Variants in NMRK2 observed in about 807,000 individuals in gnomAD.
NMRK2 encodes NRK 2.
A neutral mutation model predicts 24.7 loss-of-function variants in NMRK2; 34 were observed. The observed-to-expected ratio is 1.37, with a 90% CI of 1.05 to 1.83. NMRK2 has a LOEUF of 1.83. NMRK2 is among the 40% of genes most tolerant of loss of function. NMRK2 has a pLI of 0.00. For synonymous variants in NMRK2, 145 were observed against 125.6 expected (o/e 1.15, Z -1.03); for missense variants, 341 against 315.0 (o/e 1.08, Z -0.62).
chr19:3,939,547 G>A (rs907489087), intron 5 of NMRK2, among the ~76,000 whole-genome samples: 1 of 151,980 alleles, frequency 6.6e-6, no homozygotes, highest in African/African-American at 2.4e-5. Context: ...CTCAAGTCTG[G>A]GACAAACAGC....
chr19:3,941,567 C>T (rs1040901192), intron 7 of NMRK2, among the ~76,000 whole-genome samples: 29 of 151,978 alleles, frequency 1.9e-4, no homozygotes, highest in African/African-American at 7.0e-4. Flanking sequence ...TTCTAAACGC[C>T]CTTCAGTACT....
Position 3,942,328 on chromosome 19 carries a change from T to G in NMRK2, c.*55T>G. The G allele has an allele frequency of 1.3e-6, 2 of 1,495,160 alleles. No homozygotes were observed. The highest frequency in any genetic ancestry group is 1.8e-6 in the Non-Finnish European group (2 of 1,106,004). 92.6% of individuals were successfully genotyped at this position (1,495,160 alleles called of 1,614,324 possible). Reference sequence around the variant, plus strand: ...GGAGAGTGGAGGCCCCACTCCCAGTTGGGCGTCCCGGAGCTCAGGGACTGA... The same window carrying G: ...GGAGAGTGGAGGCCCCACTCCCAGTGGGGCGTCCCGGAGCTCAGGGACTGA... On this transcript the variant is annotated 3_prime_UTR_variant, in exon 8 of 8. Coordinates refer to ENST00000168977, the MANE Select transcript of NMRK2 (RefSeq NM_170678.3).
At chr19:3,934,606 A>T (rs1369203622) in intron 2 of NMRK2, among the ~76,000 whole-genome samples, 2 of 149,700 alleles carry the variant, frequency 1.3e-5, no homozygotes, top group Non-Finnish European at 3.0e-5. Context: ...TTTGAGACAG[A>T]GTCTTGCTCT....
At chr19:3,942,012 C>A in intron 7 of NMRK2, 71 bp from the exon 8 acceptor site, 1 of 1,285,274 alleles carries the variant, frequency 7.8e-7, no homozygotes, top group South Asian at 1.3e-5. Flanking sequence ...CCTGACCCAG[C>A]CGTCCACTCG....
Position 3,933,522 on chromosome 19 carries a change from C to T in NMRK2, c.-150C>T. On this transcript the variant is annotated 5_prime_UTR_variant, in exon 2 of 8. Coordinates refer to ENST00000168977, the MANE Select transcript of NMRK2 (RefSeq NM_170678.3). ...GCGCCTCCGCCCCATCCCCAGGGGC[C>T]GCCTCCCCCGGGGCGGCCTCCAGGC... 1.2e-6 allele frequency: 1 copy of T among 811,258 alleles called. No individual in the cohort carries two copies. The highest frequency in any genetic ancestry group is 1.8e-6 in the Non-Finnish European group (1 of 550,412). The allele number at this position is 811,258 out of a possible 1,614,324, so 50.3% of individuals were successfully genotyped here.
chr19:3,940,691 G>C (rs2039315682), intron 6 of NMRK2, among the ~76,000 whole-genome samples: 1 of 150,384 alleles, frequency 6.6e-6, no homozygotes, highest in Non-Finnish European at 1.5e-5. Flanking sequence ...GCCAAGATCA[G>C]GCTACTGTAC....
chr19:3,936,921 TTAGA>T (rs1378438303), intron 3 of NMRK2, among the ~76,000 whole-genome samples: 1 of 152,142 alleles, frequency 6.6e-6, no homozygotes, highest in African/African-American at 2.4e-5. Flanking sequence ...GGGACCCCAG[TTAGA>T]TGGATGGGAA....
chr19:3,933,670 G>A lies in NMRK2; in HGVS notation c.-2G>A. The A allele has an allele frequency of 3.3e-6, 5 of 1,505,288 alleles. No individual in the cohort carries two copies. Among genetic ancestry groups the A allele is most frequent in the African/African-American group, 2.8e-5 (2 of 70,288 alleles). 93.2% of individuals were successfully genotyped at this position (1,505,288 alleles called of 1,614,324 possible). On this transcript the variant is annotated 5_prime_UTR_variant, in exon 2 of 8. Transcript: ENST00000168977. ...TCGTCCCCGCCGCCCCTCCGCACCG[G>A]CATGAAGCTCATCGTGGGCATCGGA...
chr19:3,939,606 C>A (rs553755038), intron 5 of NMRK2, among the ~76,000 whole-genome samples: 1 of 152,268 alleles, frequency 6.6e-6, no homozygotes, highest in East Asian at 1.9e-4. Flanking sequence ...TCAGACTTCT[C>A]GGGCAGACCA....
intron 3 of NMRK2, 54 bp downstream of exon 3, chr19:3,936,719 C>A: frequency 7.0e-7 from 1 of 1,428,790 alleles, no homozygotes; most frequent in African/African-American, 1.4e-5. Context: ...GGGTGGGCAG[C>A]CAGGCCCGGC....
chr19:3,938,640 C>G lies in NMRK2; in HGVS notation c.204C>G (p.Thr68=). 2 of 1,604,564 alleles carry G rather than the reference C, an allele frequency of 1.2e-6. No homozygotes were observed. Among genetic ancestry groups the G allele is most frequent in the South Asian group, 1.1e-5 (1 of 90,392 alleles). ...ESLDMEAMLD[T]VQAWLSSPQK... ...TGGACATGGAGGCCATGCTGGACAC[C>G]GTGCAGGCCTGGCTGAGCAGCCCGC... Residue 68 remains threonine (T), a synonymous_variant, in exon 5 of 8, where the codon ACC becomes ACG. Coordinates refer to ENST00000168977, the MANE Select transcript of NMRK2 (RefSeq NM_170678.3).
At chr19:3,935,466 G>C (rs1222139784) in intron 2 of NMRK2, among the ~76,000 whole-genome samples, 1 of 151,856 alleles carries the variant, frequency 6.6e-6, no homozygotes, top group African/African-American at 2.4e-5. Flanking sequence ...AGGTTGGCCA[G>C]TCTGATCGCA....
Position 3,942,122 on chromosome 19 carries a change from G to A in NMRK2, c.542G>A (p.Arg181His), listed in dbSNP as rs138906846. ...ATGAAGTCCCGAGAGGAGCTCTTCC[G>A]TGAAGTCCTGGAAGACATTCAGAAC... is the stretch of plus-strand genomic sequence containing the variant. ...DGMKSREELF[R>H]EVLEDIQNSL... is the part of the protein sequence containing the mutation. The change falls in exon 8 of 8, where the codon CGT becomes CAT. Residue 181 changes from arginine (R) to histidine (H), a missense_variant. Physicochemically the swap from Arg to His is conservative, Grantham distance 29. Transcript: ENST00000168977. The A allele has an allele frequency of 3.0e-5, 49 of 1,613,156 alleles. 1 individual carries two copies. Among genetic ancestry groups the A allele is most frequent in the Admixed American group, 6.7e-5 (4 of 59,972 alleles).
rs1009162538 is a variant in NMRK2 at position 3,933,073 on chromosome 19, T to C, written c.-320T>C. The C allele has an allele frequency of 6.6e-6, 1 of 151,544 alleles. No homozygotes were observed. The highest frequency in any genetic ancestry group is 1.5e-5 in the Non-Finnish European group (1 of 68,032). 9.4% of individuals were successfully genotyped at this position (151,544 alleles called of 1,614,324 possible). On this transcript the variant is annotated 5_prime_UTR_variant, in exon 1 of 8. Transcript: ENST00000168977. ...CGGTCACCTGGGCAAGGCTATCTTG[T>C]GATTCACTGCTAAGGATCTTAAGCC...
intron 2 of NMRK2, among the ~76,000 whole-genome samples, chr19:3,936,110 C>G (rs1392173137): frequency 1.3e-5 from 2 of 151,814 alleles, no homozygotes; most frequent in African/African-American, 4.8e-5. Flanking sequence ...ACTTGGGAGG[C>G]TGAGGCAAAA....
intron 2 of NMRK2, 52 bp from the exon 3 acceptor site, chr19:3,936,523 T>C: frequency 1.4e-6 from 2 of 1,412,768 alleles, no homozygotes; most frequent in Non-Finnish European, 9.5e-7. Context: ...CTGAGCACCC[T>C]GACCTTCTTG....
intron 7 of NMRK2, among the ~76,000 whole-genome samples, chr19:3,941,791 C>T (rs937298697): frequency 2.0e-5 from 3 of 152,150 alleles, no homozygotes; most frequent in East Asian, 1.9e-4. Flanking sequence ...TACAGGCGCG[C>T]GTCACCACAC....
At position 3,937,264 on chromosome 19, in the gene NMRK2, G is replaced by A; in HGVS notation, c.142G>A (p.Glu48Lys). ...FKPQDQIAVG[E>K]DGFKQWDVLE... ...GCCCCAAGACCAAATAGCAGTTGGG[G>A]AAGACGGCTTCAAACAGTGGGACGG... is the stretch of plus-strand genomic sequence containing the variant. The change falls in exon 4 of 8, where the codon GAA (glutamate) becomes AAA (lysine). Residue 48 changes from glutamate to lysine, a missense_variant. Transcript: ENST00000168977. 6.2e-7 allele frequency: 1 copy of A among 1,613,278 alleles called. No homozygotes were observed. Among genetic ancestry groups the A allele is most frequent in the Non-Finnish European group, 8.5e-7 (1 of 1,179,528 alleles).
Position 3,936,752 on chromosome 19 carries a change from G to C in NMRK2, c.117+87G>C, listed in dbSNP as rs959499542. On this transcript the variant is annotated intron_variant, in intron 3 of 7. Transcript: ENST00000168977. ...GGCCAGCCCCGCCCTCCACTGCCCA[G>C]TGCCCGTGTGGGCTGGGCACTGGCT... 1.9e-5 allele frequency: 21 copies of C among 1,125,176 alleles called. No individual in the cohort carries two copies. In the African/African-American group the frequency reaches 2.6e-4, roughly 14 times the overall value. 69.7% of individuals were successfully genotyped at this position (1,125,176 alleles called of 1,614,324 possible).
Sources: gnomAD v4.1 joint callset for allele counts (sites outside exome capture counted in the v4.1 genomes callset) on GRCh38, gnomAD v4.1.1 for gene constraint, MANE v1.5 for transcripts, NCBI Gene and HGNC (gene_info 2026-07-23, HGNC 2026-07-21) for gene names.